THBS4: variants seen among roughly 807,000 people sequenced by gnomAD.
The protein encoded by THBS4 is thrombospondin-4.
A neutral mutation model predicts 115.7 loss-of-function variants in THBS4; 90 were observed. The observed-to-expected ratio is 0.78, with a 90% CI of 0.66 to 0.93. THBS4 has a LOEUF of 0.93. THBS4 is among the 40% of genes least tolerant of loss of function. The pLI, the probability that THBS4 is intolerant of heterozygous loss-of-function variation, is 0.00. For synonymous variants in THBS4, 460 were observed against 479.3 expected, an observed-to-expected ratio of 0.96 and a Z score of 0.53; for missense variants, 1,087 against 1,232.7, an observed-to-expected ratio of 0.88 and a Z score of 1.77.
intron 2 of THBS4, among the ~76,000 whole-genome samples, chr5:80,027,365 G>A (rs535851293): frequency 6.6e-6 from 1 of 152,256 alleles, no homozygotes; most frequent in East Asian, 1.9e-4. Context: ...TAGAGCTGCA[G>A]CAGCCATTTT....
chr5:80,077,364 T>C (rs1453363387), intron 16 of THBS4, among the ~76,000 whole-genome samples: 1 of 152,206 alleles, frequency 6.6e-6, no homozygotes, highest in African/African-American at 2.4e-5. Context: ...TCCACCATCT[T>C]ACCTGTCACC....
chr5:80,017,403 A>C (rs373853486), intron 2 of THBS4, among the ~76,000 whole-genome samples: 1 of 152,274 alleles, frequency 6.6e-6, no homozygotes, highest in East Asian at 1.9e-4. Flanking sequence ...AATTTCTTCC[A>C]TCTACTAATT....
rs1831971492 is a variant in THBS4, at chr5:80,004,332, T to G, written n.177+5905T>G. ...GAGTGGGACCAGCACCACATTGGACTGGCCTAGGGAAGTCAGGATTCTGCC... is the reference window on the plus strand; with the variant it reads ...GAGTGGGACCAGCACCACATTGGACGGGCCTAGGGAAGTCAGGATTCTGCC... On this transcript the variant is annotated intron_variant and non_coding_transcript_variant, in intron 2 of 3. Coordinates refer to the THBS4 transcript ENST00000510218. Among the ~76,000 whole-genome samples, 3 of 152,222 alleles carry G rather than the reference T, an allele frequency of 2.0e-5. No individual in the cohort carries two copies. The South Asian group carries it at 6.2e-4, about 32-fold the overall frequency.
intron 1 of THBS4, among the ~76,000 whole-genome samples, chr5:79,996,521 G>C (rs964652572): frequency 9.9e-5 from 15 of 152,158 alleles, no homozygotes; most frequent in Non-Finnish European, 1.9e-4. Flanking sequence ...TGTAGCTTCA[G>C]CATGATGGGG....
intron 2 of THBS4, among the ~76,000 whole-genome samples, chr5:80,014,855 G>A (rs1468081158): frequency 6.6e-6 from 1 of 152,232 alleles, no homozygotes; most frequent in South Asian, 2.1e-4. Flanking sequence ...GGAGAACCAG[G>A]TGTTAATCCA....
In THBS4 at chr5:80,078,189, G is replaced by A; in HGVS notation, c.2227G>A (p.Asp743Asn). Reference protein sequence around the residue: ...YQTVVLDPEGDAQIDPNWVVL... With the variant: ...YQTVVLDPEGNAQIDPNWVVL... The stretch of plus-strand genomic sequence containing the variant: ...GACCGTGGTCCTGGATCCTGAAGGG[G>A]ATGCCCAGATCGATCCCAACTGGGT... Residue 743 changes from aspartate (D) to asparagine (N), a missense_variant, in exon 17 of 22, where the codon GAT becomes AAT. By Grantham distance (23) the Asp-to-Asn change is conservative (BLOSUM62 1). Around this residue, in one of 3 missense-constraint regions of THBS4, gnomAD observed 979 missense variants for 1,103.7 expected, o/e 0.89. Transcript: ENST00000350881. 3.1e-6 allele frequency: 5 copies of A among 1,606,550 alleles called. No homozygotes were observed. Among genetic ancestry groups the A allele is most frequent in the Non-Finnish European group, 4.3e-6 (5 of 1,174,910 alleles).
chr5:80,068,265 A>C, intron 10 of THBS4, 140 bp downstream of exon 10: 1 of 1,067,286 alleles, frequency 9.4e-7, no homozygotes, highest in Non-Finnish European at 1.3e-6. Context: ...TGTAATAGGA[A>C]CAGGGTCCAC....
At chr5:80,008,474 A>G (rs2438616) in intron 2 of THBS4, among the ~76,000 whole-genome samples, 46,191 of 151,834 alleles carry the variant, frequency 0.3, 7,153 homozygotes, top group South Asian at 0.36. Context: ...GAGTGCAGTG[A>G]CACGATCTCG....
chr5:80,023,750 C>A (rs1190972789), intron 2 of THBS4, among the ~76,000 whole-genome samples: 1 of 151,180 alleles, frequency 6.6e-6, no homozygotes, highest in Non-Finnish European at 1.5e-5. Context: ...GTGGTGATGG[C>A]CTGAAGCTGC....
In THBS4 at chr5:80,061,846, A is replaced by T. The variant is rs973234457; in HGVS notation, c.1125+14A>T. On this transcript the variant is annotated intron_variant, in intron 8 of 21. Transcript: ENST00000350881. ...TCAAACAAGCAGGTAGGCTGAAGTC[A>T]TGGTTTCTATTCATTTCTCATCTTA... The T allele has an allele frequency of 1.2e-6, 2 of 1,601,682 alleles. No homozygotes were observed. Among genetic ancestry groups the T allele is most frequent in the South Asian group, 1.1e-5 (1 of 90,114 alleles).
intron 2 of THBS4, among the ~76,000 whole-genome samples, chr5:80,026,444 G>A (rs1832477402): frequency 6.6e-6 from 1 of 152,084 alleles, no homozygotes; most frequent in Non-Finnish European, 1.5e-5. Context: ...AATATTAATG[G>A]ACAAGGATTG....
chr5:80,056,141 C>G, intron 3 of THBS4, 109 bp downstream of exon 3: 1 of 1,309,300 alleles, frequency 7.6e-7, no homozygotes, highest in Non-Finnish European at 1.0e-6. Context: ...GGGTCTAATG[C>G]CGCTTGCACA....
At chr5:80,074,760 TGTGCC>T (rs1743112415) in intron 15 of THBS4, among the ~76,000 whole-genome samples, 1 of 151,992 alleles carries the variant, frequency 6.6e-6, no homozygotes, top group Non-Finnish European at 1.5e-5. Flanking sequence ...ATTACAGGTG[TGTGCC>T]ACCATGCTGG....
At chr5:80,021,418 G>A (rs1832371874) in intron 2 of THBS4, among the ~76,000 whole-genome samples, 1 of 152,002 alleles carries the variant, frequency 6.6e-6, no homozygotes, top group Non-Finnish European at 1.5e-5. Context: ...ATAAAAGTAT[G>A]TTAATAAGTG....
chr5:80,078,292 T>C lies in THBS4; in HGVS notation c.2265+65T>C, dbSNP rs561071141. ...TCAACAGAGGCCCTTCTGATAGTGGTAGGTCATGTTTAGAGGGTGCAGACA... is the reference window on the plus strand; with the variant it reads ...TCAACAGAGGCCCTTCTGATAGTGGCAGGTCATGTTTAGAGGGTGCAGACA... On this transcript the variant is annotated intron_variant, in intron 17 of 21. Transcript: ENST00000350881. 109 of 1,381,578 alleles carry C rather than the reference T, an allele frequency of 7.9e-5. No individual in the cohort carries two copies. In the African/African-American group the frequency reaches 1.2e-3, roughly 15 times the overall value. 85.6% of individuals were successfully genotyped at this position (1,381,578 alleles called of 1,614,324 possible).
intron 5 of THBS4, 120 bp downstream of exon 5, chr5:80,058,910 GC>G (rs1833527029): frequency 5.6e-6 from 5 of 900,068 alleles, no homozygotes; most frequent in Non-Finnish European, 8.4e-6. Context: ...ATCTCCGGGG[GC>G]CCACGCAGCC....
At position 80,059,818 on chromosome 5, in the gene THBS4, A is replaced by G. The variant is rs527553801; in HGVS notation, c.900A>G (p.Gln300=). ...CDSNPCFRGV[Q]CTDSRDGFQC... ...CCAACCCATGTTTCCGAGGTGTCCA[A>G]TGTACCGACAGTAGAGATGGCTTCC... Residue 300 remains glutamine (Q), a synonymous_variant, in exon 7 of 22, where the codon CAA becomes CAG. Coordinates refer to ENST00000350881, the MANE Select transcript of THBS4 (RefSeq NM_003248.6). The G allele has an allele frequency of 8.1e-6, 13 of 1,614,162 alleles. No homozygotes were observed. The East Asian group carries it at 8.9e-5, about 11-fold the overall frequency.
At chr5:80,080,163 A>G in intron 20 of THBS4, 86 bp downstream of exon 20, 1 of 1,451,950 alleles carries the variant, frequency 6.9e-7, no homozygotes, top group Non-Finnish European at 9.3e-7. Flanking sequence ...TCCCTGAGCA[A>G]TTCTGACCTA....
chr5:80,042,004 T>G (rs557073728), intron 2 of THBS4, among the ~76,000 whole-genome samples: 5 of 152,254 alleles, frequency 3.3e-5, no homozygotes. Context: ...AATGGGACTT[T>G]AACCCCTTCT....
Sources: gnomAD v4.1 joint callset for allele counts (sites outside exome capture counted in the v4.1 genomes callset) on GRCh38, gnomAD v4.1.1 for gene constraint, gnomAD v4.1.1 regional missense constraint, MANE v1.5 for transcripts, NCBI Gene and HGNC (gene_info 2026-07-23, HGNC 2026-07-21) for gene names.